CFAP251: variants seen among roughly 807,000 people sequenced by gnomAD.
The protein encoded by CFAP251 is cilia- and flagella-associated protein 251.
In CFAP251, 93 loss-of-function variants were observed where a neutral mutation model predicts 126.7. That is an observed-to-expected ratio of 0.73 (90% CI 0.62 to 0.87). The LOEUF is 0.87. CFAP251 is among the 40% of genes least tolerant of loss of function. The pLI is 0.00. For missense variants in CFAP251, 1,287 were observed against 1,389.2 expected, an observed-to-expected ratio of 0.93 and a Z score of 1.17; for synonymous variants, 503 against 506.9, an observed-to-expected ratio of 0.99 and a Z score of 0.10.
At chr12:121,978,683 C>T (rs1322825976) in intron 19 of CFAP251, among the ~76,000 whole-genome samples, 1 of 151,882 alleles carries the variant, frequency 6.6e-6, no homozygotes, top group Non-Finnish European at 1.5e-5. Context: ...ACATATGTAT[C>T]GACATTCTCA....
At chr12:121,967,558 C>T (rs896878039) in intron 16 of CFAP251, among the ~76,000 whole-genome samples, 3 of 152,046 alleles carry the variant, frequency 2.0e-5, no homozygotes, top group Admixed American at 6.6e-5. Flanking sequence ...AAAAATGAGC[C>T]GGGCGTGGTG....
intron 19 of CFAP251, among the ~76,000 whole-genome samples, chr12:121,995,601 C>G (rs1464497237): frequency 2.0e-5 from 3 of 152,076 alleles, no homozygotes; most frequent in African/African-American, 7.2e-5. Context: ...TTTCTGGGCT[C>G]AAGCCATCCT....
At chr12:121,939,153 C>T (rs1221549243) in intron 5 of CFAP251, among the ~76,000 whole-genome samples, 2 of 152,030 alleles carry the variant, frequency 1.3e-5, no homozygotes, top group Non-Finnish European at 2.9e-5. Context: ...AGCTTGTCTC[C>T]ACAACATTGT....
At chr12:121,996,161 A>G (rs1020439042) in intron 19 of CFAP251, among the ~76,000 whole-genome samples, 1 of 152,206 alleles carries the variant, frequency 6.6e-6, no homozygotes, top group Non-Finnish European at 1.5e-5. Context: ...TTGATAAGTA[A>G]TGTGTACAAA....
chr12:121,954,779 C>G (rs1350425647), intron 10 of CFAP251, among the ~76,000 whole-genome samples: 2 of 146,774 alleles, frequency 1.4e-5, no homozygotes, highest in African/African-American at 2.5e-5. Context: ...GAACTAAGAT[C>G]AGGGATGGGG....
At chr12:121,924,113 C>CT in intron 3 of CFAP251, 123 bp downstream of exon 3, 3 of 1,237,314 alleles carry the variant, frequency 2.4e-6, no homozygotes, top group Admixed American at 2.7e-5. Flanking sequence ...TAATAATAGA[C>CT]TTGTGTTTTT....
chr12:121,937,698 G>A (rs962353530), intron 5 of CFAP251, among the ~76,000 whole-genome samples: 3 of 152,124 alleles, frequency 2.0e-5, no homozygotes, highest in South Asian at 4.1e-4. Flanking sequence ...AAGAAGTTAC[G>A]TTGAATGTTC....
At chr12:121,942,172 C>T (rs2135763494) in intron 5 of CFAP251, among the ~76,000 whole-genome samples, 1 of 152,288 alleles carries the variant, frequency 6.6e-6, no homozygotes, top group East Asian at 1.9e-4. Context: ...CATTTACACT[C>T]TTATGCAACC....
chr12:122,003,100 A>G (rs1176133778), intron 21 of CFAP251, among the ~76,000 whole-genome samples: 1 of 152,198 alleles, frequency 6.6e-6, no homozygotes, highest in African/African-American at 2.4e-5. Context: ...CCATGTGGTT[A>G]AGGCTTTCCA....
intron 15 of CFAP251, among the ~76,000 whole-genome samples, chr12:121,962,759 T>C (rs1015663377): frequency 1.3e-5 from 2 of 150,638 alleles, no homozygotes; most frequent in African/African-American, 2.4e-5. Context: ...AGGGAAGGCC[T>C]TGGAGAGCAG....
chr12:121,966,389 T>A (rs1882137208), intron 15 of CFAP251, among the ~76,000 whole-genome samples: 1 of 141,336 alleles, frequency 7.1e-6, no homozygotes, highest in Non-Finnish European at 1.5e-5. Context: ...GCCTCCTGAG[T>A]AGCTGGGACT....
intron 13 of CFAP251, 150 bp downstream of exon 13, chr12:121,959,244 C>T (rs1881841472): frequency 1.2e-6 from 1 of 811,226 alleles, no homozygotes; most frequent in Non-Finnish European, 1.9e-6. Context: ...CAAGACCAGC[C>T]TAGGAAACAC....
At chr12:121,987,414 A>G (rs1011757269) in intron 19 of CFAP251, among the ~76,000 whole-genome samples, 1 of 152,134 alleles carries the variant, frequency 6.6e-6, no homozygotes, top group Admixed American at 6.6e-5. Context: ...CAGCCATTAA[A>G]AAGAATGCAG....
In CFAP251 at chr12:121,957,261, G is replaced by A. The variant is rs771596736; in HGVS notation, c.1723G>A (p.Val575Ile). 7 of 1,607,986 alleles carry A rather than the reference G, an allele frequency of 4.4e-6. No individual in the cohort carries two copies. In the South Asian group the frequency reaches 6.7e-5, roughly 15 times the overall value. Residue 575 changes from valine to isoleucine, a missense_variant, in exon 11 of 22, where the codon GTC (valine) becomes ATC (isoleucine). Coordinates refer to ENST00000288912, the MANE Select transcript of CFAP251 (RefSeq NM_144668.6). ...PDCTLKGDLF[V>I]LRNFIIGTSD... is the part of the protein sequence containing the mutation. ...CTGCACTTTAAAAGGTGACCTTTTTGTCTTAAGGTAAGTTGTTAATGAATC... is the reference window on the plus strand; with the variant it reads ...CTGCACTTTAAAAGGTGACCTTTTTATCTTAAGGTAAGTTGTTAATGAATC...
chr12:121,929,328 AAAAAAAG>A (rs1160291101), intron 3 of CFAP251, among the ~76,000 whole-genome samples: 1 of 151,738 alleles, frequency 6.6e-6, no homozygotes, highest in African/African-American at 2.4e-5. Context: ...TCAAAAAAAA[AAAAAAAG>A]AAAAAAGAAA....
At chr12:121,939,037 T>C (rs976635926) in intron 5 of CFAP251, among the ~76,000 whole-genome samples, 1 of 152,138 alleles carries the variant, frequency 6.6e-6, no homozygotes, top group African/African-American at 2.4e-5. Flanking sequence ...AAGCACTGGC[T>C]GCCATCTCCG....
chr12:121,978,984 A>G (rs1409102630), intron 19 of CFAP251, among the ~76,000 whole-genome samples: 1 of 152,180 alleles, frequency 6.6e-6, no homozygotes, highest in African/African-American at 2.4e-5. Context: ...GCCCATCTTC[A>G]GGAATCCACA....
chr12:121,991,754 G>A (rs1358796725), intron 19 of CFAP251, among the ~76,000 whole-genome samples: 1 of 152,150 alleles, frequency 6.6e-6, no homozygotes, highest in Non-Finnish European at 1.5e-5. Context: ...AGCAATTTGG[G>A]AGGCCGAGGC....
intron 3 of CFAP251, among the ~76,000 whole-genome samples, chr12:121,929,316 T>C (rs180991560): frequency 0.026 from 3,625 of 140,138 alleles, 69 homozygotes; most frequent in Non-Finnish European, 0.042. Flanking sequence ...CGAGACTCCA[T>C]CTCAAAAAAA....
Sources: allele counts gnomAD v4.1 joint callset (sites outside exome capture counted in the v4.1 genomes callset), GRCh38; gene constraint gnomAD v4.1.1; transcripts MANE v1.5; gene names NCBI Gene and HGNC (gene_info 2026-07-23, HGNC 2026-07-21).